CTCF: variants seen among roughly 807,000 people sequenced by gnomAD.
The protein encoded by CTCF is CCCTC-binding factor.
Under a neutral mutation model 72.3 loss-of-function variants are expected in CTCF, and 7 were observed. That is an observed-to-expected ratio of 0.10 (90% CI 0.06 to 0.18). The LOEUF (loss-of-function observed/expected upper bound fraction) is 0.18, where lower values mean the gene tolerates loss of function less well. Ranked by LOEUF, CTCF falls within the 10% of genes least tolerant of loss-of-function variation. CTCF has a pLI of 1.00. For synonymous variants in CTCF, 374 were observed against 315.8 expected (o/e 1.18, Z -1.95); for missense variants, 516 against 949.1 (o/e 0.54, Z 6.00).
chr16:67,624,151 ATG>A (rs1297380745), intron 7 of CTCF, among the ~76,000 whole-genome samples: 1 of 142,944 alleles, frequency 7.0e-6, no homozygotes, highest in African/African-American at 2.6e-5. Context: ...GTGTGTATAT[ATG>A]TGTGTATATA....
At chr16:67,608,229 C>T (rs1210420095) in intron 2 of CTCF, among the ~76,000 whole-genome samples, 1 of 151,038 alleles carries the variant, frequency 6.6e-6, no homozygotes, top group Non-Finnish European at 1.5e-5. Context: ...GAGGCTGAGG[C>T]AGGAGAATGG....
At position 67,620,792 on chromosome 16, in the gene CTCF, G is replaced by A. The variant is rs2142847971; in HGVS notation, c.1182G>A (p.Leu394=). ...ATGCCAGCAGGGACACATACAAGCT[G>A]AAAAGGCACATGAGAACCCATTCAG... ...CSYASRDTYK[L]KRHMRTHSGE... The change falls in exon 6 of 12, where the codon CTG becomes CTA. Residue 394 remains leucine (L), a synonymous_variant. Transcript: ENST00000264010. 6.2e-7 allele frequency: 1 copy of A among 1,600,006 alleles called. No individual in the cohort carries two copies. The highest frequency in any genetic ancestry group is 8.6e-7 in the Non-Finnish European group (1 of 1,169,466).
At chr16:67,616,706 C>T in intron 4 of CTCF, 39 bp from the exon 5 acceptor site, 1 of 1,612,132 alleles carries the variant, frequency 6.2e-7, no homozygotes, top group Non-Finnish European at 8.5e-7. Context: ...TAACTGTGCC[C>T]TTGATCTTGC....
At chr16:67,574,012 A>C (rs1164286596) in intron 2 of CTCF, among the ~76,000 whole-genome samples, 1 of 151,964 alleles carries the variant, frequency 6.6e-6, no homozygotes, top group Non-Finnish European at 1.5e-5. Flanking sequence ...GCTTGGCGAC[A>C]AGGCGAGACT....
At chr16:67,566,022 G>A (rs565645081) in intron 1 of CTCF, among the ~76,000 whole-genome samples, 90 of 152,242 alleles carry the variant, frequency 5.9e-4, no homozygotes, top group African/African-American at 2.0e-3. Context: ...CATCATCTAC[G>A]TTATAGACTC....
intron 2 of CTCF, among the ~76,000 whole-genome samples, chr16:67,608,018 C>CAAAAAAAAAAAA (rs549111284): frequency 9.4e-6 from 1 of 105,826 alleles, no homozygotes; most frequent in African/African-American, 4.1e-5. Context: ...GACTCCGACT[C>CAAAAAAAAAAAA]AAAAAAAAAA....
At chr16:67,597,539 A>G (rs1427760260) in intron 2 of CTCF, among the ~76,000 whole-genome samples, 2 of 152,050 alleles carry the variant, frequency 1.3e-5, no homozygotes, top group African/African-American at 4.8e-5. Flanking sequence ...GGGTTTCACC[A>G]TGTTGGCCAG....
intron 2 of CTCF, among the ~76,000 whole-genome samples, chr16:67,583,805 A>G (rs1416553748): frequency 6.6e-6 from 1 of 152,006 alleles, no homozygotes; most frequent in Non-Finnish European, 1.5e-5. Flanking sequence ...AACATATCCT[A>G]ATGGAGGGAG....
intron 4 of CTCF, among the ~76,000 whole-genome samples, chr16:67,613,209 C>T (rs1303840029): frequency 6.6e-6 from 1 of 152,180 alleles, no homozygotes; most frequent in African/African-American, 2.4e-5. Flanking sequence ...AAGTTGGTTG[C>T]AAGTCTTCTC....
At position 67,637,784 on chromosome 16, in the gene CTCF, G is replaced by T; in HGVS notation, c.2096G>T (p.Gly699Val). Reference protein sequence around the residue: ...KKEPDAEPAEGEEEEAQPAAT... With the variant: ...KKEPDAEPAEVEEEEAQPAAT... ...GAGCCAGATGCTGAGCCCGCAGAGG[G>T]AGAGGAAGAGGAGGCCCAGCCAGCT... Residue 699 changes from glycine to valine, a missense_variant, in exon 12 of 12, where the codon GGA becomes GTA. Physicochemically the swap from Gly to Val is moderately radical, Grantham distance 109. Transcript: ENST00000264010. The T allele has an allele frequency of 6.2e-7, 1 of 1,613,362 alleles. No individual in the cohort carries two copies. Among genetic ancestry groups the T allele is most frequent in the Non-Finnish European group, 8.5e-7 (1 of 1,180,030 alleles).
At chr16:67,636,647 T>A (rs536390842) in intron 10 of CTCF, 43 bp from the exon 11 acceptor site, 2 of 1,505,950 alleles carry the variant, frequency 1.3e-6, no homozygotes, top group East Asian at 4.8e-5. Flanking sequence ...TCCACCACCC[T>A]TCTCCTTGCC....
Position 67,626,809 on chromosome 16 carries a change from A to T in CTCF, c.1518+94A>T, listed in dbSNP as rs923175423. On this transcript the variant is annotated intron_variant, in intron 8 of 11. Coordinates refer to ENST00000264010, the MANE Select transcript of CTCF (RefSeq NM_006565.4). Reference sequence around the variant, plus strand: ...TCTAGTACAGTGGCTGTTTTTAAAGATAGTATTTTCAAACTGTGGATTATG... The same window carrying T: ...TCTAGTACAGTGGCTGTTTTTAAAGTTAGTATTTTCAAACTGTGGATTATG... The T allele has an allele frequency of 7.5e-6, 7 of 934,102 alleles. No homozygotes were observed. The South Asian group carries it at 1.8e-4, about 24-fold the overall frequency. The allele number at this position is 934,102 out of a possible 1,614,324, so 57.9% of individuals were successfully genotyped here.
rs1430996722 is a variant in CTCF at position 67,604,688 on chromosome 16, C to T, written c.-9-6136C>T. On this transcript the variant is annotated intron_variant, in intron 2 of 11. Transcript: ENST00000264010. Reference sequence around the variant, plus strand: ...ACCTTGAAATGATATTTTGGACATACCAGGTTAAGTAAAATAGATTACTAA... The same window carrying T: ...ACCTTGAAATGATATTTTGGACATATCAGGTTAAGTAAAATAGATTACTAA... Among the ~76,000 whole-genome samples, 19 of 150,096 alleles carry T rather than the reference C, an allele frequency of 1.3e-4. No homozygotes were observed. The South Asian group carries it at 3.6e-3, about 28-fold the overall frequency.
chr16:67,634,699 T>A (rs1204020280), intron 10 of CTCF, among the ~76,000 whole-genome samples: 1 of 151,492 alleles, frequency 6.6e-6, no homozygotes, highest in African/African-American at 2.4e-5. Flanking sequence ...TTCCTTTTTT[T>A]TTTTTTCTTA....
At position 67,604,964 on chromosome 16, in the gene CTCF, ATTTTTTTTT is replaced by A. The variant is rs34873720; in HGVS notation, c.-9-5840_-9-5832del. On this transcript the variant is annotated intron_variant, in intron 2 of 11. Transcript: ENST00000264010. Reference sequence around the variant, plus strand: ...TTTTACAATCAGAGGTATAAATGGGATTTTTTTTTTTTTTTTTTTTTTTTTTTTGAGACA... The same window carrying A: ...TTTTACAATCAGAGGTATAAATGGGATTTTTTTTTTTTTTTTTTTGAGACA... 5.4e-5 allele frequency among the ~76,000 whole-genome samples: 4 copies of A among 73,780 alleles called. 1 individual carries two copies. The highest frequency in any genetic ancestry group is 3.6e-4 in the East Asian group (1 of 2,802). 48.4% of individuals were successfully genotyped at this position (73,780 alleles called of 152,430 possible).
At chr16:67,564,641 G>A (rs1396955255) in intron 1 of CTCF, among the ~76,000 whole-genome samples, 1 of 152,064 alleles carries the variant, frequency 6.6e-6, no homozygotes, top group Non-Finnish European at 1.5e-5. Context: ...TTGTGACTTT[G>A]TTTTCCTTTT....
intron 2 of CTCF, among the ~76,000 whole-genome samples, chr16:67,585,561 A>G (rs1597690666): frequency 6.6e-6 from 1 of 152,226 alleles, no homozygotes; most frequent in East Asian, 1.9e-4. Context: ...TAAGAACAGA[A>G]CATCCTTACA....
chr16:67,637,675 T>C lies in CTCF; in HGVS notation c.2000-13T>C, dbSNP rs1189340249. 7.5e-6 allele frequency: 12 copies of C among 1,607,968 alleles called. No individual in the cohort carries two copies. Among genetic ancestry groups the C allele is most frequent in the Non-Finnish European group, 8.5e-6 (10 of 1,176,116 alleles). On this transcript the variant is annotated splice_polypyrimidine_tract_variant and intron_variant, in intron 11 of 11. Transcript: ENST00000264010. The stretch of plus-strand genomic sequence containing the variant: ...AATGGACCATTTGTTCTGTCTGTGC[T>C]CTTCTTTGCCAGCAACAGCTATCAT...
intron 2 of CTCF, among the ~76,000 whole-genome samples, chr16:67,609,399 GT>G (rs2142818512): frequency 1.3e-5 from 2 of 152,206 alleles, no homozygotes; most frequent in Admixed American, 1.3e-4. Context: ...CCCACTACAT[GT>G]GTAAGATTTA....
Sources: allele counts gnomAD v4.1 joint callset (sites outside exome capture counted in the v4.1 genomes callset), GRCh38; gene constraint gnomAD v4.1.1; transcripts MANE v1.5; gene names NCBI Gene and HGNC (gene_info 2026-07-23, HGNC 2026-07-21).